STRN: variants seen among roughly 807,000 people sequenced by gnomAD.
STRN encodes the protein striatin, also known as protein phosphatase 2 regulatory subunit B'''alpha.
STRN carries 53 observed loss-of-function variants against 96.3 expected under a neutral mutation model. That is an observed-to-expected ratio of 0.55 (90% confidence interval 0.44 to 0.69). The LOEUF is 0.69. Ranked by LOEUF, STRN falls within the 30% of genes least tolerant of loss-of-function variation. The pLI is 0.00. For synonymous variants in STRN, 428 were observed against 355.9 expected (o/e 1.20, Z -2.28); for missense variants, 987 against 963.9 (o/e 1.02, Z -0.32).
intron 1 of STRN, among the ~76,000 whole-genome samples, chr2:36,938,421 GT>G (rs752220367): frequency 6.7e-6 from 1 of 149,860 alleles, no homozygotes; most frequent in Non-Finnish European, 1.5e-5. Flanking sequence ...GCAAGATTCT[GT>G]CTCAATTAAA....
intron 14 of STRN, 56 bp from the exon 15 acceptor site, chr2:36,855,408 G>C: frequency 6.3e-7 from 1 of 1,576,968 alleles, no homozygotes. Context: ...TTGACAATCT[G>C]CTTAAAATAG....
chr2:36,965,310 T>C (rs1351649192), intron 1 of STRN, among the ~76,000 whole-genome samples: 1 of 152,256 alleles, frequency 6.6e-6, no homozygotes, highest in Non-Finnish European at 1.5e-5. Context: ...CTGGAAGTTT[T>C]AAGAACAACC....
At chr2:36,863,698 G>A (rs1369504494) in intron 12 of STRN, among the ~76,000 whole-genome samples, 2 of 152,180 alleles carry the variant, frequency 1.3e-5, no homozygotes, top group Non-Finnish European at 2.9e-5. Context: ...CTGTTAGAAT[G>A]TCATTGGTAG....
intron 1 of STRN, among the ~76,000 whole-genome samples, chr2:36,949,641 G>A (rs78028568): frequency 0.088 from 13,401 of 152,236 alleles, 683 homozygotes; most frequent in South Asian, 0.14. Flanking sequence ...GGCTAGAAGA[G>A]TGACTATAAG....
chr2:36,887,310 TAA>T (rs1558638165), intron 7 of STRN, among the ~76,000 whole-genome samples: 34 of 148,474 alleles, frequency 2.3e-4, no homozygotes, highest in African/African-American at 7.8e-4. Flanking sequence ...AATAAATAAA[TAA>T]ATACAAAATT....
chr2:36,908,019 G>A (rs2148207841), intron 3 of STRN, among the ~76,000 whole-genome samples: 2 of 152,192 alleles, frequency 1.3e-5, no homozygotes, highest in South Asian at 4.2e-4. Context: ...AAAGAAGGGA[G>A]CAAAAACGCT....
intron 11 of STRN, among the ~76,000 whole-genome samples, chr2:36,868,353 A>G (rs1668680522): frequency 6.6e-6 from 1 of 152,222 alleles, no homozygotes; most frequent in Admixed American, 6.5e-5. Flanking sequence ...GGATATCAGC[A>G]AATGGTACTT....
chr2:36,849,411 G>C lies in STRN; in HGVS notation c.*45C>G. The C allele has an allele frequency of 1.2e-6, 2 of 1,603,578 alleles. No individual in the cohort carries two copies. The highest frequency in any genetic ancestry group is 2.2e-5 in the East Asian group (1 of 44,722). ...TCGTCTTCTGTATCTCTTGTGTGCAGTTGATTACTTATAAACAGCTAGAAG... is the reference window on the plus strand; with the variant it reads ...TCGTCTTCTGTATCTCTTGTGTGCACTTGATTACTTATAAACAGCTAGAAG... On this transcript the variant is annotated 3_prime_UTR_variant, in exon 18 of 18. Transcript: ENST00000263918.
Position 36,854,338 on chromosome 2 carries a change from C to G in STRN, c.1978+874G>C, listed in dbSNP as rs560678061. On this transcript the variant is annotated intron_variant, in intron 15 of 17. Transcript: ENST00000263918. The stretch of plus-strand genomic sequence containing the variant: ...TATCACCTGAGTTTAATTTATTTTC[C>G]TGTCTCTCTCGTTTACATCCAAGTA... 3.3e-5 allele frequency among the ~76,000 whole-genome samples: 5 copies of G among 152,184 alleles called. No individual in the cohort carries two copies. In the East Asian group the frequency reaches 9.6e-4, roughly 29 times the overall value.
At chr2:36,869,414 A>G in intron 11 of STRN, 140 bp downstream of exon 11, 1 of 867,686 alleles carries the variant, frequency 1.2e-6, no homozygotes, top group South Asian at 2.4e-5. Context: ...ATAAATGGAA[A>G]AACACAATAA....
chr2:36,862,937 G>A (rs534740816), intron 12 of STRN, among the ~76,000 whole-genome samples: 7 of 152,052 alleles, frequency 4.6e-5, no homozygotes, highest in East Asian at 3.9e-4. Context: ...CGGTTTCACC[G>A]TGGTCTTGAT....
At chr2:36,926,990 C>G (rs1354481072) in intron 1 of STRN, among the ~76,000 whole-genome samples, 2 of 152,074 alleles carry the variant, frequency 1.3e-5, no homozygotes, top group African/African-American at 4.8e-5. Flanking sequence ...TTTATATGCT[C>G]TTTAAAATGA....
chr2:36,852,709 T>C (rs954274062), intron 15 of STRN, among the ~76,000 whole-genome samples: 11 of 152,212 alleles, frequency 7.2e-5, no homozygotes, highest in Admixed American at 7.2e-4. Flanking sequence ...CTAGAATAGG[T>C]ATTACAAGTT....
chr2:36,905,475 A>C, intron 4 of STRN, 65 bp downstream of exon 4: 2 of 1,439,680 alleles, frequency 1.4e-6, no homozygotes, highest in Admixed American at 1.7e-5. Context: ...ATACACAGTA[A>C]AAATAACTTC....
At chr2:36,854,859 T>C (rs1165737484) in intron 15 of STRN, among the ~76,000 whole-genome samples, 4 of 152,172 alleles carry the variant, frequency 2.6e-5, no homozygotes. Context: ...ACTATTAATA[T>C]AAAATTAAGT....
At chr2:36,945,590 C>CAAG (rs1340148123) in intron 1 of STRN, among the ~76,000 whole-genome samples, 1 of 151,986 alleles carries the variant, frequency 6.6e-6, no homozygotes, top group Non-Finnish European at 1.5e-5. Context: ...TCGCTTGAAC[C>CAAG]AAGAGGCAGA....
At chr2:36,949,872 T>C (rs990816201) in intron 1 of STRN, among the ~76,000 whole-genome samples, 3 of 152,200 alleles carry the variant, frequency 2.0e-5, no homozygotes, top group Non-Finnish European at 2.9e-5. Flanking sequence ...GATAATTTTG[T>C]AAATCATCCA....
At chr2:36,953,391 C>T (rs1004710739) in intron 1 of STRN, among the ~76,000 whole-genome samples, 4 of 150,336 alleles carry the variant, frequency 2.7e-5, no homozygotes, top group African/African-American at 9.8e-5. Context: ...TTATCTTATA[C>T]AGATAAGGTC....
At chr2:36,927,844 T>C (rs1311006967) in intron 1 of STRN, among the ~76,000 whole-genome samples, 2 of 152,206 alleles carry the variant, frequency 1.3e-5, no homozygotes, top group South Asian at 2.1e-4. Context: ...TAAATGCATA[T>C]ACCCTTTAAC....
Sources: gnomAD v4.1 joint callset for allele counts (sites outside exome capture counted in the v4.1 genomes callset) on GRCh38, gnomAD v4.1.1 for gene constraint, MANE v1.5 for transcripts, NCBI Gene and HGNC (gene_info 2026-07-23, HGNC 2026-07-21) for gene names.